ADGRB3: variants seen among roughly 807,000 people sequenced by gnomAD.
ADGRB3 encodes the protein brain-specific angiogenesis inhibitor 3.
ADGRB3 carries 37 observed loss-of-function variants against 193.4 expected under a neutral mutation model. The observed-to-expected ratio is 0.19, with a 90% CI of 0.15 to 0.25. The LOEUF (loss-of-function observed/expected upper bound fraction) is 0.25. Ranked by LOEUF, ADGRB3 falls within the 10% of genes least tolerant of loss-of-function variation. ADGRB3 has a pLI of 1.00. For missense variants in ADGRB3, 1,637 were observed against 1,852.9 expected (o/e 0.88, Z 2.14); for synonymous variants, 690 against 644.2 (o/e 1.07, Z -1.08).
intron 20 of ADGRB3, among the ~76,000 whole-genome samples, chr6:69,244,371 G>A (rs1408585234): frequency 6.6e-6 from 1 of 151,968 alleles, no homozygotes; most frequent in African/African-American, 2.4e-5. Flanking sequence ...TCAGAATTGT[G>A]TTTTTTAAAA....
intron 17 of ADGRB3, among the ~76,000 whole-genome samples, chr6:69,189,606 A>G (rs563241056): frequency 3.3e-5 from 5 of 152,318 alleles, no homozygotes; most frequent in South Asian, 2.1e-4. Flanking sequence ...CATCTAGTTC[A>G]ATATGATTCT....
intron 29 of ADGRB3, among the ~76,000 whole-genome samples, chr6:69,364,655 A>G (rs1769530248): frequency 6.6e-6 from 1 of 152,084 alleles, no homozygotes; most frequent in Admixed American, 6.6e-5. Flanking sequence ...CAGAGCTGCC[A>G]CTATTATGGA....
chr6:68,717,146 G>A (rs1452342064), intron 3 of ADGRB3, among the ~76,000 whole-genome samples: 1 of 151,580 alleles, frequency 6.6e-6, no homozygotes, highest in Admixed American at 6.6e-5. Flanking sequence ...GCTTCAATTT[G>A]CCTTGAACAA....
In ADGRB3 at chr6:69,339,415, C is replaced by T. The variant is rs896719594; in HGVS notation, c.3370C>T (p.Arg1124Cys). 10 of 1,613,976 alleles carry T rather than the reference C, an allele frequency of 6.2e-6. No homozygotes were observed. Among genetic ancestry groups the T allele is most frequent in the African/African-American group, 1.3e-5 (1 of 75,008 alleles). Residue 1124 changes from arginine (R) to cysteine (C), a missense_variant, in exon 26 of 32, where the codon CGC becomes TGC. Physicochemically the swap from Arg to Cys is radical, Grantham distance 180 (BLOSUM62 -3). This residue lies in a region of ADGRB3 where 116 missense variants were observed against 168.1 expected (regional missense o/e 0.69). Coordinates refer to ENST00000370598, the MANE Select transcript of ADGRB3 (RefSeq NM_001704.3). ...TGCGGTTCTGGCCATGACAGATAAA[C>T]GCTCCATATTGTTTCAAATACTTTT... The part of the protein sequence containing the change: ...MSAVLAMTDK[R>C]SILFQILFAV...
intron 17 of ADGRB3, among the ~76,000 whole-genome samples, chr6:69,161,580 C>A (rs1290134885): frequency 6.6e-6 from 1 of 152,070 alleles, no homozygotes; most frequent in Non-Finnish European, 1.5e-5. Flanking sequence ...CTATGGTTGC[C>A]TAGCTAATCA....
At chr6:68,774,764 G>A (rs1017247602) in intron 3 of ADGRB3, among the ~76,000 whole-genome samples, 3 of 151,906 alleles carry the variant, frequency 2.0e-5, no homozygotes, top group African/African-American at 7.3e-5. Flanking sequence ...TCCAAAATAT[G>A]TTATTATAAA....
intron 3 of ADGRB3, among the ~76,000 whole-genome samples, chr6:68,754,046 G>A (rs1562016508): frequency 6.6e-6 from 1 of 152,084 alleles, no homozygotes; most frequent in South Asian, 2.1e-4. Flanking sequence ...TAAAAGAGCG[G>A]GTCCCTGTGG....
chr6:68,701,152 A>G (rs558307923), intron 3 of ADGRB3, among the ~76,000 whole-genome samples: 2 of 130,892 alleles, frequency 1.5e-5, no homozygotes, highest in East Asian at 3.1e-4. Context: ...ATAATCAATG[A>G]AAGTTGCCAC....
At chr6:69,101,912 G>A (rs140002658) in intron 17 of ADGRB3, among the ~76,000 whole-genome samples, 8 of 151,950 alleles carry the variant, frequency 5.3e-5, no homozygotes, top group Non-Finnish European at 8.8e-5. Flanking sequence ...ACTCTCGGCC[G>A]GGCTCAGTGG....
intron 17 of ADGRB3, among the ~76,000 whole-genome samples, chr6:69,096,033 A>G (rs564257971): frequency 6.6e-6 from 1 of 152,286 alleles, no homozygotes; most frequent in African/African-American, 2.4e-5. Context: ...ACTTTTATTC[A>G]TGGTTCTATA....
At chr6:69,218,082 AAAAG>A (rs1348810152) in intron 17 of ADGRB3, among the ~76,000 whole-genome samples, 72 of 151,778 alleles carry the variant, frequency 4.7e-4, no homozygotes, top group African/African-American at 1.6e-3. Flanking sequence ...AAAAAAAAAA[AAAAG>A]AAGAAGTCAA....
At chr6:68,996,378 T>C (rs958617073) in intron 11 of ADGRB3, among the ~76,000 whole-genome samples, 2 of 152,152 alleles carry the variant, frequency 1.3e-5, no homozygotes, top group Non-Finnish European at 2.9e-5. Flanking sequence ...TATACTGTGG[T>C]ACTATAATTT....
chr6:69,009,490 T>C (rs1769869096), intron 11 of ADGRB3, among the ~76,000 whole-genome samples: 1 of 152,082 alleles, frequency 6.6e-6, no homozygotes, highest in Non-Finnish European at 1.5e-5. Flanking sequence ...AGAAGTCTAA[T>C]GAACTTGGAG....
intron 18 of ADGRB3, among the ~76,000 whole-genome samples, chr6:69,233,724 T>C (rs948146748): frequency 6.6e-6 from 1 of 152,228 alleles, no homozygotes; most frequent in Non-Finnish European, 1.5e-5. Context: ...TTAACCTTTA[T>C]TTTAAAGCTG....
chr6:69,184,339 A>G (rs1765022458), intron 17 of ADGRB3, among the ~76,000 whole-genome samples: 1 of 152,078 alleles, frequency 6.6e-6, no homozygotes, highest in Non-Finnish European at 1.5e-5. Context: ...ATGACTTGAG[A>G]AAACATGCAA....
chr6:69,168,277 G>A (rs1370515168), intron 17 of ADGRB3, among the ~76,000 whole-genome samples: 1 of 152,050 alleles, frequency 6.6e-6, no homozygotes, highest in African/African-American at 2.4e-5. Flanking sequence ...TTCATCAGCC[G>A]AAAAACGGTT....
intron 20 of ADGRB3, among the ~76,000 whole-genome samples, chr6:69,299,976 G>T (rs1767915248): frequency 6.6e-6 from 1 of 151,578 alleles, no homozygotes; most frequent in South Asian, 2.1e-4. Context: ...TTTGAGTTGT[G>T]TGGACATATT....
chr6:68,730,354 T>A (rs1392202758), intron 3 of ADGRB3, among the ~76,000 whole-genome samples: 1 of 151,146 alleles, frequency 6.6e-6, no homozygotes, highest in Admixed American at 6.6e-5. Flanking sequence ...TATTTATTAA[T>A]ATTCTCAGTG....
At chr6:69,043,245 G>A (rs7764587) in intron 13 of ADGRB3, among the ~76,000 whole-genome samples, 61,822 of 139,050 alleles carry the variant, frequency 0.44, 13,647 homozygotes, top group African/African-American at 0.48. Flanking sequence ...GAGAAAGAAA[G>A]AAGAAAGAGA....
Sources: allele counts gnomAD v4.1 joint callset (sites outside exome capture counted in the v4.1 genomes callset), GRCh38; gene constraint gnomAD v4.1.1; regional missense constraint gnomAD v4.1.1; transcripts MANE v1.5; gene names NCBI Gene and HGNC (gene_info 2026-07-23, HGNC 2026-07-21).